The following CPED1 variants were observed in gnomAD, a reference collection of about 807,000 sequenced individuals.
CPED1 encodes cadherin-like and PC-esterase domain-containing protein 1.
In CPED1, 114 loss-of-function variants were observed where a neutral mutation model predicts 128.2. That is an observed-to-expected ratio of 0.89 (90% CI 0.76 to 1.04). The LOEUF is 1.04. Ranked by LOEUF, CPED1 falls within the 50% of genes least tolerant of loss-of-function variation. The pLI is 0.00. For synonymous variants in CPED1, 462 were observed against 426.7 expected (o/e 1.08, Z -1.02); for missense variants, 1,211 against 1,207.1 (o/e 1.00, Z -0.05).
intron 2 of CPED1, among the ~76,000 whole-genome samples, chr7:121,000,820 C>T (rs1791832452): frequency 6.6e-6 from 1 of 152,132 alleles, no homozygotes. Flanking sequence ...CAGCTTTATC[C>T]TAGCTATAGG....
At chr7:121,212,855 G>C (rs532711320) in intron 16 of CPED1, among the ~76,000 whole-genome samples, 2 of 152,086 alleles carry the variant, frequency 1.3e-5, no homozygotes, top group South Asian at 4.2e-4. Context: ...CCTACCATGG[G>C]AATTTATTTT....
Position 121,258,014 on chromosome 7 carries a change from T to C in CPED1, c.2311-8213T>C, listed in dbSNP as rs141912283. ...ATACATAAGGACAGCAGGACATTAA[T>C]GGAGTAGGAAAAGTCTCAGGCTGGC... On this transcript the variant is annotated intron_variant, in intron 18 of 22. Coordinates refer to ENST00000310396, the MANE Select transcript of CPED1 (RefSeq NM_024913.5). Among the ~76,000 whole-genome samples the C allele has an allele frequency of 1.4e-4, 21 of 152,138 alleles. No homozygotes were observed. The East Asian group carries it at 4.1e-3, about 29-fold the overall frequency.
At chr7:121,003,747 C>G (rs1791928707) in intron 2 of CPED1, among the ~76,000 whole-genome samples, 1 of 152,078 alleles carries the variant, frequency 6.6e-6, no homozygotes, top group Non-Finnish European at 1.5e-5. Context: ...AGGGAGAGTT[C>G]TTGGATCTCA....
rs566315626 is a variant in CPED1 at position 121,223,384 on chromosome 7, T to A, written c.2056-13330T>A. On this transcript the variant is annotated intron_variant, in intron 16 of 22. Transcript: ENST00000310396. ...CAGTATTTTATCGAGGATTTTCGCA[T>A]TGATGTTCATCATGGATATTGGTCT... Among the ~76,000 whole-genome samples the A allele has an allele frequency of 2.0e-5, 3 of 152,322 alleles. No homozygotes were observed. The South Asian group carries it at 6.2e-4, about 32-fold the overall frequency.
intron 18 of CPED1, among the ~76,000 whole-genome samples, chr7:121,255,694 A>C (rs1458873170): frequency 6.6e-6 from 1 of 152,110 alleles, no homozygotes; most frequent in Non-Finnish European, 1.5e-5. Flanking sequence ...TAGAACTAAT[A>C]AACAATTTTA....
chr7:120,989,238 C>T, intron 1 of CPED1, 153 bp from the exon 2 acceptor site: 1 of 204,050 alleles, frequency 4.9e-6, no homozygotes, highest in Non-Finnish European at 1.0e-5. Context: ...TGTTTTCTCT[C>T]TTCCTGCAAA....
intron 16 of CPED1, among the ~76,000 whole-genome samples, chr7:121,152,239 C>A (rs1796175983): frequency 1.3e-5 from 2 of 152,086 alleles, no homozygotes; most frequent in African/African-American, 4.8e-5. Context: ...TCCTCCACAT[C>A]CCCCAGCTCC....
intron 4 of CPED1, among the ~76,000 whole-genome samples, chr7:121,061,373 TAC>T (rs1460809221): frequency 6.6e-6 from 1 of 152,184 alleles, no homozygotes; most frequent in South Asian, 2.1e-4. Flanking sequence ...TGTATAAATA[TAC>T]ACACATACAC....
At chr7:121,054,355 T>C (rs769335406) in intron 4 of CPED1, among the ~76,000 whole-genome samples, 4 of 152,206 alleles carry the variant, frequency 2.6e-5, no homozygotes, top group African/African-American at 4.8e-5. Context: ...GTGAGAAAAT[T>C]GGATCTCATT....
intron 18 of CPED1, among the ~76,000 whole-genome samples, chr7:121,256,141 A>AAAAAAAAAAAC (rs1791866950): frequency 1.7e-4 from 24 of 143,578 alleles, no homozygotes; most frequent in African/African-American, 5.3e-4. Flanking sequence ...AAAAAAAAAA[A>AAAAAAAAAAAC]CAAAGCTTAT....
chr7:121,038,222 A>G (rs1049538732), intron 3 of CPED1, among the ~76,000 whole-genome samples: 3 of 151,800 alleles, frequency 2.0e-5, no homozygotes, highest in Admixed American at 2.0e-4. Flanking sequence ...TCCAGTTCTC[A>G]GGGGGAATGC....
intron 22 of CPED1, among the ~76,000 whole-genome samples, chr7:121,278,194 A>G (rs1386054914): frequency 2.0e-5 from 3 of 152,186 alleles, no homozygotes; most frequent in Non-Finnish European, 4.4e-5. Flanking sequence ...AAAGGAGGAA[A>G]GACTTTGGCA....
At chr7:121,284,261 A>C (rs1792518422) in intron 22 of CPED1, among the ~76,000 whole-genome samples, 2 of 152,264 alleles carry the variant, frequency 1.3e-5, no homozygotes, top group Admixed American at 1.3e-4. Context: ...AACCATTATT[A>C]ATACCTCCCA....
intron 4 of CPED1, among the ~76,000 whole-genome samples, chr7:121,054,175 A>G (rs2721340): frequency 0.82 from 124,079 of 152,160 alleles, 50,700 homozygotes; most frequent in Admixed American, 0.87. Context: ...GCTTGGAAAT[A>G]TCTGTATGTC....
At chr7:121,076,125 G>A (rs1003621128) in intron 5 of CPED1, among the ~76,000 whole-genome samples, 2 of 152,086 alleles carry the variant, frequency 1.3e-5, no homozygotes, top group African/African-American at 2.4e-5. Flanking sequence ...GCTAACCATG[G>A]GGGCCAGAAT....
Position 121,088,763 on chromosome 7 carries a change from C to CAAAAAAAAAA in CPED1, c.617-8916_617-8907dup, listed in dbSNP as rs71170226. Reference sequence around the variant, plus strand: ...AAGTTAAAATCTAGGCAAAAATTGGCAAAAAAAAAAAAAAAAAAAAAAAAA... The same window carrying CAAAAAAAAAA: ...AAGTTAAAATCTAGGCAAAAATTGGCAAAAAAAAAAAAAAAAAAAAAAAAAAAAAAAAAAA... On this transcript the variant is annotated intron_variant, in intron 5 of 22. Transcript: ENST00000310396. Among the ~76,000 whole-genome samples, 24 of 53,806 alleles carry CAAAAAAAAAA rather than the reference C, an allele frequency of 4.5e-4. 2 individuals carry two copies. The highest frequency in any genetic ancestry group is 4.4e-4 in the African/African-American group (7 of 15,878). 35.3% of individuals were successfully genotyped at this position (53,806 alleles called of 152,430 possible).
intron 16 of CPED1, among the ~76,000 whole-genome samples, chr7:121,166,957 A>C (rs1796540849): frequency 6.6e-6 from 1 of 152,082 alleles, no homozygotes; most frequent in Non-Finnish European, 1.5e-5. Flanking sequence ...GCCACATTTG[A>C]CTTTCATGTC....
chr7:121,031,294 C>G (rs1585028378), intron 3 of CPED1, among the ~76,000 whole-genome samples: 1 of 151,906 alleles, frequency 6.6e-6, no homozygotes, highest in Admixed American at 6.6e-5. Flanking sequence ...AAACTGTGGG[C>G]CTGCCTGCCA....
intron 12 of CPED1, among the ~76,000 whole-genome samples, chr7:121,133,424 A>G (rs190625062): frequency 3.5e-4 from 54 of 152,150 alleles, no homozygotes; most frequent in African/African-American, 1.2e-3. Context: ...TTATTTCTTC[A>G]ATTAAATGTA....
Sources: gnomAD v4.1 joint callset for allele counts (sites outside exome capture counted in the v4.1 genomes callset) on GRCh38, gnomAD v4.1.1 for gene constraint, MANE v1.5 for transcripts, NCBI Gene and HGNC (gene_info 2026-07-23, HGNC 2026-07-21) for gene names.